CDC27: variants seen among roughly 807,000 people sequenced by gnomAD.
CDC27 encodes cell division cycle 27.
Under a neutral mutation model 109.7 loss-of-function variants are expected in CDC27, and 27 were observed. The ratio of observed to expected loss-of-function variants is 0.25; its 90% CI spans 0.18 to 0.34. CDC27 has a LOEUF of 0.34. CDC27 is among the 10% of genes least tolerant of loss of function. The pLI, the probability that CDC27 is intolerant of heterozygous loss-of-function variation, is 1.00. For synonymous variants in CDC27, 266 were observed against 333.9 expected (o/e 0.80, Z 2.22); for missense variants, 579 against 960.2 (o/e 0.60, Z 5.25).
At position 47,144,263 on chromosome 17, in the gene CDC27, T is replaced by TA. The variant is rs11570515; in HGVS notation, c.1071-282dup. Among the ~76,000 whole-genome samples the TA allele has an allele frequency of 3.8e-3, 581 of 152,050 alleles. 6 individuals are homozygous for TA. The highest frequency in any genetic ancestry group is 0.013 in the African/African-American group (544 of 41,492). On this transcript the variant is annotated intron_variant, in intron 9 of 18. Transcript: ENST00000066544. ...AATCCTTAATAAACTTTCCTTCATA[T>TA]AAAAAAATAAAAATAAAATGACTCG...
intron 14 of CDC27, among the ~76,000 whole-genome samples, chr17:47,133,028 T>TATATATACATAC (rs1555783886): frequency 3.4e-5 from 1 of 29,824 alleles, no homozygotes. Flanking sequence ...TATATATATA[T>TATATATACATAC]ACACACACAC....
intron 14 of CDC27, among the ~76,000 whole-genome samples, chr17:47,134,966 C>T (rs1366700749): frequency 2.6e-5 from 4 of 151,882 alleles, no homozygotes; most frequent in African/African-American, 4.8e-5. Context: ...GTAGTTATTA[C>T]ATGTGTGCCA....
chr17:47,142,623 A>T (rs1012764872), intron 10 of CDC27, among the ~76,000 whole-genome samples, 187 bp from the exon 11 acceptor site: 1 of 152,260 alleles, frequency 6.6e-6, no homozygotes, highest in Non-Finnish European at 1.5e-5. Context: ...AATTCTGAAC[A>T]TAAATTACAT....
intron 4 of CDC27, among the ~76,000 whole-genome samples, chr17:47,158,954 A>G (rs531516887): frequency 3.3e-5 from 5 of 151,958 alleles, no homozygotes; most frequent in Non-Finnish European, 7.4e-5. Flanking sequence ...GTTTTGCCAT[A>G]TTGCCCAGGC....
At chr17:47,143,336 C>T (rs1489604402) in intron 10 of CDC27, among the ~76,000 whole-genome samples, 2 of 152,156 alleles carry the variant, frequency 1.3e-5, no homozygotes, top group Admixed American at 6.5e-5. Context: ...TAACATGTGA[C>T]ATAACCATAG....
In CDC27 at chr17:47,171,969, T is replaced by C. The variant is rs76782714; in HGVS notation, c.199A>G (p.Thr67Ala). The change falls in exon 3 of 19, where the codon ACT becomes GCT. Residue 67 changes from threonine (T) to alanine (A), a missense_variant. Coordinates refer to ENST00000066544, the MANE Select transcript of CDC27 (RefSeq NM_001256.6). ...AGCAGGTATTTGCATTGCGGTGTAG[T>C]ACAACTGTGTCCTTTCAAGAGTCTA... ...AYRLLKGHSC[T>A]TPQCKYLLAK... 5 of 1,603,618 alleles carry C rather than the reference T, an allele frequency of 3.1e-6. No homozygotes were observed. The highest frequency in any genetic ancestry group is 3.4e-6 in the Non-Finnish European group (4 of 1,175,340).
chr17:47,123,996 A>C (rs1395346789), intron 16 of CDC27, 36 bp from the exon 17 acceptor site: 1 of 1,473,560 alleles, frequency 6.8e-7, no homozygotes, highest in Admixed American at 2.2e-5. Context: ...AAGTAGCAAA[A>C]ATTTTTAAAG....
At chr17:47,167,260 T>C (rs567568261) in intron 4 of CDC27, among the ~76,000 whole-genome samples, 1 of 152,352 alleles carries the variant, frequency 6.6e-6, no homozygotes, top group East Asian at 1.9e-4. Flanking sequence ...AACAGAGTAA[T>C]ATTTATAATA....
chr17:47,159,451 G>A (rs1051756186), intron 4 of CDC27: 8 of 677,752 alleles, frequency 1.2e-5, no homozygotes, highest in East Asian at 5.9e-5. Context: ...TTGGGCACAC[G>A]TGCCAAGACG....
chr17:47,185,387 G>C (rs1474237147), intron 1 of CDC27, among the ~76,000 whole-genome samples: 3 of 152,100 alleles, frequency 2.0e-5, no homozygotes, highest in Admixed American at 2.0e-4. Context: ...GTTTCACCCT[G>C]TTGGCCAGGA....
chr17:47,123,390 CTTTTTTTTCTACTTTTTTTT>C (rs2062033197), intron 17 of CDC27, among the ~76,000 whole-genome samples: 1 of 144,080 alleles, frequency 6.9e-6, no homozygotes, highest in Admixed American at 7.5e-5. Context: ...TGTTCTTCTA[CTTTTTTTTCTACTTTTTTTT>C]TTTTTTTTTT....
chr17:47,160,096 A>G (rs991743951), intron 4 of CDC27: 3 of 179,894 alleles, frequency 1.7e-5, no homozygotes, highest in African/African-American at 7.2e-5. Context: ...TCCTTAATGA[A>G]AAGGAAAATT....
chr17:47,163,669 A>G lies in CDC27; in HGVS notation c.378-5366T>C, dbSNP rs147511271. On this transcript the variant is annotated intron_variant, in intron 4 of 18. Coordinates refer to ENST00000066544, the MANE Select transcript of CDC27 (RefSeq NM_001256.6). The stretch of plus-strand genomic sequence containing the variant: ...AGGAACTGATTTAACTGCATCTTTA[A>G]AAAAACTTTAATGATTTTATCTGAA... 2.1e-3 allele frequency among the ~76,000 whole-genome samples: 313 copies of G among 152,378 alleles called. 1 individual carries two copies. The highest frequency in any genetic ancestry group is 7.0e-3 in the African/African-American group (293 of 41,586).
intron 14 of CDC27, among the ~76,000 whole-genome samples, chr17:47,134,007 T>C (rs1462550189): frequency 1.3e-5 from 2 of 152,180 alleles, no homozygotes; most frequent in Non-Finnish European, 2.9e-5. Flanking sequence ...TGTCCCAGCC[T>C]ACCAAAGTGC....
intron 9 of CDC27, among the ~76,000 whole-genome samples, chr17:47,150,275 A>G (rs2063115529): frequency 6.6e-6 from 1 of 152,234 alleles, no homozygotes; most frequent in South Asian, 2.1e-4. Flanking sequence ...CCTCCCCAAA[A>G]GATATGTTGA....
At chr17:47,138,648 CTAAA>C in intron 13 of CDC27, 87 bp downstream of exon 13, 1 of 871,744 alleles carries the variant, frequency 1.1e-6, no homozygotes, top group South Asian at 1.5e-5. Flanking sequence ...GTGGGTGACA[CTAAA>C]TAGTGTTTGA....
At position 47,119,991 on chromosome 17, in the gene CDC27, T is replaced by C. The variant is rs1020266194; in HGVS notation, c.*944A>G. On this transcript the variant is annotated 3_prime_UTR_variant, in exon 19 of 19. Coordinates refer to ENST00000066544, the MANE Select transcript of CDC27 (RefSeq NM_001256.6). ...GTCAAAGGGATGTTTTGAACAAATA[T>C]AGATTCAAGGTTATGGTACAATTCT... The C allele has an allele frequency of 2.6e-5, 4 of 152,186 alleles. No homozygotes were observed. The highest frequency in any genetic ancestry group is 4.4e-5 in the Non-Finnish European group (3 of 68,018). The allele number at this position is 152,186 out of a possible 1,614,324, so 9.4% of individuals were successfully genotyped here.
At chr17:47,162,295 CCAT>C (rs1400044211) in intron 4 of CDC27, among the ~76,000 whole-genome samples, 2 of 152,202 alleles carry the variant, frequency 1.3e-5, no homozygotes, top group East Asian at 3.8e-4. Context: ...CTCATCTAAA[CCAT>C]CAATAGATTC....
At position 47,169,969 on chromosome 17, in the gene CDC27, C is replaced by G; in HGVS notation, c.325G>C (p.Glu109Gln). The change falls in exon 4 of 19, where the codon GAG (glutamate) becomes CAG (glutamine). Residue 109 changes from glutamate (E) to glutamine (Q), a missense_variant. Glu to Gln is a conservative substitution (Grantham distance 29). Coordinates refer to ENST00000066544, the MANE Select transcript of CDC27 (RefSeq NM_001256.6). ...KQKSHDDIVTEFGDSACFTLS... is the reference protein window; with the variant it reads ...KQKSHDDIVTQFGDSACFTLS... ...GTAAAGCAAGCTGAATCACCAAACT[C>G]AGTAACAATATCATCATGGCTTTTC... 6.3e-7 allele frequency: 1 copy of G among 1,598,486 alleles called. No homozygotes were observed. The highest frequency in any genetic ancestry group is 8.5e-7 in the Non-Finnish European group (1 of 1,172,716).
Sources: gnomAD v4.1 joint callset for allele counts (sites outside exome capture counted in the v4.1 genomes callset) on GRCh38, gnomAD v4.1.1 for gene constraint, MANE v1.5 for transcripts, NCBI Gene and HGNC (gene_info 2026-07-23, HGNC 2026-07-21) for gene names.